The following CCDC126 variants were observed in gnomAD, a reference collection of about 807,000 sequenced individuals.
CCDC126 encodes the protein coiled-coil domain containing 126, also known as coiled-coil domain-containing protein 126.
A neutral mutation model predicts 11.7 loss-of-function variants in CCDC126; 5 were observed. The ratio of observed to expected loss-of-function variants is 0.43; its 90% confidence interval spans 0.22 to 0.90. The LOEUF (loss-of-function observed/expected upper bound fraction) is 0.90. Among genes scored for constraint, CCDC126 ranks in the 40% least tolerant of loss-of-function variants. CCDC126 has a pLI of 0.27. For synonymous variants in CCDC126, 60 were observed against 61.9 expected (o/e 0.97, Z 0.14); for missense variants, 150 against 163.1 (o/e 0.92, Z 0.44).
chr7:23,616,470 G>A (rs1044747118), intron 3 of CCDC126, among the ~76,000 whole-genome samples: 1 of 152,176 alleles, frequency 6.6e-6, no homozygotes, highest in African/African-American at 2.4e-5. Flanking sequence ...GATGCAGATA[G>A]GTAAAAGTTT....
intron 2 of CCDC126, among the ~76,000 whole-genome samples, chr7:23,607,122 C>T (rs1270555513): frequency 6.6e-6 from 1 of 152,084 alleles, no homozygotes; most frequent in Non-Finnish European, 1.5e-5. Flanking sequence ...CAAAAAACAA[C>T]TCTCTAGTTG....
At chr7:23,634,380 A>G (rs997596736) in intron 3 of CCDC126, among the ~76,000 whole-genome samples, 16 of 152,132 alleles carry the variant, frequency 1.1e-4, no homozygotes, top group African/African-American at 3.1e-4. Context: ...ACTTGAATCC[A>G]GGAGGTCGAG....
intron 3 of CCDC126, among the ~76,000 whole-genome samples, chr7:23,633,694 C>T (rs1306978211): frequency 6.6e-6 from 1 of 152,024 alleles, no homozygotes; most frequent in East Asian, 1.9e-4. Context: ...GAAACCTTGT[C>T]TCTACAGAAA....
chr7:23,600,380 C>A lies in CCDC126; in HGVS notation c.-146+2329C>A, dbSNP rs10272577. 8.7e-3 allele frequency among the ~76,000 whole-genome samples: 1,191 copies of A among 136,118 alleles called. 48 individuals carry two copies. The highest frequency in any genetic ancestry group is 0.032 in the African/African-American group (1,091 of 33,860). 89.3% of individuals were successfully genotyped at this position (136,118 alleles called of 152,430 possible). ...ATGGCTGTGTTCTGTGTTAACCCCC[C>A]CCCCCCCACCACCATATTAGCCTCA... On this transcript the variant is annotated intron_variant, in intron 2 of 3. Transcript: ENST00000307471.
At position 23,643,126 on chromosome 7, in the gene CCDC126, TC is replaced by T. The variant is rs774823758; in HGVS notation, c.*12del. 6.2e-7 allele frequency: 1 copy of T among 1,610,814 alleles called. No individual in the cohort carries two copies. Among genetic ancestry groups the T allele is most frequent in the Non-Finnish European group, 8.5e-7 (1 of 1,178,084 alleles). ...GGCAGTATCAGATAGCAGTTGAAAA[TC>T]ACCTTGTGCTGCTCCATCCACTGTG... On this transcript the variant is annotated 3_prime_UTR_variant, in exon 4 of 4. Coordinates refer to ENST00000307471, the MANE Select transcript of CCDC126 (RefSeq NM_138771.4).
At chr7:23,641,492 A>G (rs1222266414) in intron 3 of CCDC126, among the ~76,000 whole-genome samples, 1 of 152,202 alleles carries the variant, frequency 6.6e-6, no homozygotes, top group Non-Finnish European at 1.5e-5. Context: ...TTTTATGCAC[A>G]AAAGTTTTAA....
intron 3 of CCDC126, among the ~76,000 whole-genome samples, chr7:23,623,158 G>A (rs1046140545): frequency 7.5e-6 from 1 of 132,502 alleles, no homozygotes; most frequent in African/African-American, 2.8e-5. Flanking sequence ...TTTTTTTTTT[G>A]GTATTTTTAG....
At chr7:23,605,643 A>C (rs1399043128) in intron 2 of CCDC126, among the ~76,000 whole-genome samples, 1 of 152,170 alleles carries the variant, frequency 6.6e-6, no homozygotes, top group Admixed American at 6.5e-5. Context: ...GTATCAGAAC[A>C]TCTTACTTCC....
chr7:23,599,736 G>C (rs993812056), intron 2 of CCDC126, among the ~76,000 whole-genome samples: 8 of 151,912 alleles, frequency 5.3e-5, no homozygotes, highest in Non-Finnish European at 8.8e-5. Flanking sequence ...TGGGATTATA[G>C]GTGTGAGCCC....
intron 3 of CCDC126, among the ~76,000 whole-genome samples, chr7:23,639,253 A>G (rs965143190): frequency 8.2e-5 from 12 of 146,852 alleles, no homozygotes; most frequent in Admixed American, 4.2e-4. Flanking sequence ...GTGCAGTGGC[A>G]CGATCTCAGC....
intron 2 of CCDC126, among the ~76,000 whole-genome samples, chr7:23,603,076 C>T (rs920612610): frequency 3.3e-5 from 5 of 152,162 alleles, no homozygotes; most frequent in Non-Finnish European, 5.9e-5. Flanking sequence ...TGCACTGCCC[C>T]CCACCCTCCA....
intron 3 of CCDC126, among the ~76,000 whole-genome samples, chr7:23,633,768 CT>C (rs1783156454): frequency 6.6e-6 from 1 of 151,834 alleles, no homozygotes; most frequent in Non-Finnish European, 1.5e-5. Context: ...GTGGGAGGAC[CT>C]CCTGAGCCCC....
chr7:23,605,377 T>C (rs1782605243), intron 2 of CCDC126, among the ~76,000 whole-genome samples: 1 of 151,764 alleles, frequency 6.6e-6, no homozygotes, highest in Non-Finnish European at 1.5e-5. Context: ...GAAAGGTTTT[T>C]AAGCAGGAGA....
intron 2 of CCDC126, among the ~76,000 whole-genome samples, chr7:23,610,961 C>T (rs1782701353): frequency 6.6e-6 from 1 of 151,994 alleles, no homozygotes; most frequent in South Asian, 2.1e-4. Flanking sequence ...CAGTTATTTT[C>T]AATGAATTGA....
intron 2 of CCDC126, among the ~76,000 whole-genome samples, chr7:23,603,513 C>T (rs1782574547): frequency 6.6e-6 from 1 of 152,200 alleles, no homozygotes; most frequent in South Asian, 2.1e-4. Context: ...AAACCCTAGA[C>T]AGTGAGTCAG....
chr7:23,615,045 A>G (rs1782774147), intron 3 of CCDC126, among the ~76,000 whole-genome samples: 1 of 152,214 alleles, frequency 6.6e-6, no homozygotes, highest in Non-Finnish European at 1.5e-5. Context: ...CTTTGAAGTC[A>G]GGCATTGACT....
At chr7:23,618,230 G>T (rs927274920) in intron 3 of CCDC126, among the ~76,000 whole-genome samples, 1 of 152,202 alleles carries the variant, frequency 6.6e-6, no homozygotes, top group Non-Finnish European at 1.5e-5. Flanking sequence ...ATGTAGGCAT[G>T]ATTGAATCAT....
At chr7:23,609,252 C>G (rs1397062408) in intron 2 of CCDC126, among the ~76,000 whole-genome samples, 2 of 151,866 alleles carry the variant, frequency 1.3e-5, no homozygotes, top group African/African-American at 4.8e-5. Context: ...GTTGCAATCT[C>G]AGCTCACTGC....
intron 3 of CCDC126, among the ~76,000 whole-genome samples, chr7:23,632,616 C>A (rs1783134852): frequency 6.6e-6 from 1 of 152,256 alleles, no homozygotes; most frequent in South Asian, 2.1e-4. Context: ...CAAGATGTTA[C>A]CATTGTAGGG....
Sources: allele counts gnomAD v4.1 joint callset (sites outside exome capture counted in the v4.1 genomes callset), GRCh38; gene constraint gnomAD v4.1.1; transcripts MANE v1.5; gene names NCBI Gene and HGNC (gene_info 2026-07-23, HGNC 2026-07-21).